The following SLCO1C1 variants were observed in gnomAD, a reference collection of about 807,000 sequenced individuals.
SLCO1C1 encodes the protein solute carrier organic anion transporter family member 1C1, also known as OAT-RP-5.
SLCO1C1 carries 70 observed loss-of-function variants against 76.4 expected under a neutral mutation model. That is an observed-to-expected ratio of 0.92 (90% CI 0.76 to 1.12). The LOEUF (loss-of-function observed/expected upper bound fraction) is 1.12, where lower values mean the gene tolerates loss of function less well. Ranked by LOEUF, SLCO1C1 falls within the 50% of genes most tolerant of loss-of-function variation. The pLI is 0.00. For missense variants in SLCO1C1, 912 were observed against 823.8 expected (o/e 1.11, Z -1.31); for synonymous variants, 306 against 286.1 (o/e 1.07, Z -0.70).
chr12:20,743,289 C>T lies in SLCO1C1; in HGVS notation c.1734-16C>T, dbSNP rs375347990. 6.2e-7 allele frequency: 1 copy of T among 1,609,620 alleles called. No individual in the cohort carries two copies. The highest frequency in any genetic ancestry group is 1.3e-5 in the African/African-American group (1 of 74,776). ...GGATTATATATTTCTTGTAATGGTG[C>T]TTTTGTTGATTTTAGGTGCATTAAG... On this transcript the variant is annotated splice_polypyrimidine_tract_variant and intron_variant, in intron 12 of 14. Coordinates refer to ENST00000266509, the MANE Select transcript of SLCO1C1 (RefSeq NM_017435.5).
chr12:20,709,055 G>A (rs1946925794), intron 4 of SLCO1C1, among the ~76,000 whole-genome samples: 1 of 152,056 alleles, frequency 6.6e-6, no homozygotes, highest in African/African-American at 2.4e-5. Flanking sequence ...TGATTCTGGT[G>A]GGAAAGCTTG....
chr12:20,724,364 A>G (rs1042003556), intron 9 of SLCO1C1, among the ~76,000 whole-genome samples: 18 of 147,946 alleles, frequency 1.2e-4, no homozygotes, highest in Non-Finnish European at 2.2e-4. Context: ...GACCTTAAAC[A>G]GTTCAGATGG....
chr12:20,707,590 T>G (rs1250391977), intron 4 of SLCO1C1, among the ~76,000 whole-genome samples: 1 of 152,178 alleles, frequency 6.6e-6, no homozygotes, highest in Non-Finnish European at 1.5e-5. Context: ...AATTCCTAGC[T>G]GATAATGCCA....
At chr12:20,745,773 T>A (rs546702238) in intron 13 of SLCO1C1, among the ~76,000 whole-genome samples, 2 of 151,420 alleles carry the variant, frequency 1.3e-5, no homozygotes, top group East Asian at 3.9e-4. Context: ...TGCAGTGAGC[T>A]GAGATCACAC....
chr12:20,743,347 C>G lies in SLCO1C1; in HGVS notation c.1776C>G (p.Tyr592Ter), dbSNP rs1450666908. Residue 592 changes from tyrosine (Y) to a stop codon, truncating the protein, a stop_gained, in exon 13 of 15, where the codon TAC (tyrosine) becomes TAG (stop). Coordinates refer to ENST00000266509, the MANE Select transcript of SLCO1C1 (RefSeq NM_017435.5). LOFTEE classifies it high-confidence loss of function. ...TTAAGTCTTTTGCCTTGGGTATCTA[C>G]ACATTAGCAATAAGAGTTCTTGGTA... ...PQLKSFALGIYTLAIRVLAGI... is the reference protein window; with the variant it reads ...PQLKSFALGI The G allele has an allele frequency of 7.4e-6, 12 of 1,612,820 alleles. No homozygotes were observed. The highest frequency in any genetic ancestry group is 2.7e-5 in the African/African-American group (2 of 74,912).
chr12:20,750,405 G>A (rs1425831747), intron 13 of SLCO1C1, among the ~76,000 whole-genome samples: 1 of 152,172 alleles, frequency 6.6e-6, no homozygotes, highest in Non-Finnish European at 1.5e-5. Context: ...AAAGGGACAG[G>A]TCTATAGGGG....
chr12:20,744,170 T>C (rs903199451), intron 13 of SLCO1C1, among the ~76,000 whole-genome samples: 2 of 152,030 alleles, frequency 1.3e-5, no homozygotes, highest in African/African-American at 2.4e-5. Flanking sequence ...TATGGCATCA[T>C]GACTGGCTCT....
intron 5 of SLCO1C1, among the ~76,000 whole-genome samples, chr12:20,713,889 C>T (rs1035805880): frequency 2.6e-5 from 4 of 152,124 alleles, no homozygotes; most frequent in African/African-American, 9.7e-5. Flanking sequence ...ACCTAAGGTG[C>T]CTACACTTCT....
intron 10 of SLCO1C1, among the ~76,000 whole-genome samples, chr12:20,734,874 A>T (rs150628571): frequency 1.1e-4 from 17 of 152,300 alleles, no homozygotes; most frequent in Admixed American, 2.6e-4. Flanking sequence ...CTTATTTTGA[A>T]TTTCTTTGTA....
intron 9 of SLCO1C1, among the ~76,000 whole-genome samples, chr12:20,728,861 ATAAT>A (rs1417121924): frequency 1.3e-5 from 2 of 152,072 alleles, no homozygotes; most frequent in African/African-American, 4.8e-5. Context: ...TAAAACAATA[ATAAT>A]TATATAATAA....
At chr12:20,736,348 C>T (rs1948540442) in intron 10 of SLCO1C1, among the ~76,000 whole-genome samples, 1 of 148,360 alleles carries the variant, frequency 6.7e-6, no homozygotes, top group Admixed American at 6.8e-5. Context: ...GGGGGGGGTG[C>T]AAATTTTGTC....
intron 1 of SLCO1C1, among the ~76,000 whole-genome samples, chr12:20,698,022 T>A (rs1946342677): frequency 6.6e-6 from 1 of 152,086 alleles, no homozygotes; most frequent in South Asian, 2.1e-4. Context: ...TTTTTGATAA[T>A]GTCTTTCTTG....
intron 3 of SLCO1C1, 61 bp from the exon 4 acceptor site, chr12:20,705,888 T>C: frequency 6.5e-7 from 1 of 1,534,898 alleles, no homozygotes; most frequent in Non-Finnish European, 9.0e-7. Context: ...ATTCATTCAG[T>C]TATGCTGTTG....
chr12:20,732,058 A>G (rs1948299902), intron 9 of SLCO1C1, among the ~76,000 whole-genome samples: 1 of 152,214 alleles, frequency 6.6e-6, no homozygotes, highest in East Asian at 1.9e-4. Flanking sequence ...GGGTCTCCAG[A>G]GTCTAAGCTC....
intron 13 of SLCO1C1, 146 bp from the exon 14 acceptor site, chr12:20,750,529 G>T: frequency 1.4e-6 from 1 of 691,694 alleles, no homozygotes; most frequent in Non-Finnish European, 2.5e-6. Flanking sequence ...GGATTAGAGA[G>T]ATAGGTTTGG....
At chr12:20,729,533 C>A (rs1948174891) in intron 9 of SLCO1C1, among the ~76,000 whole-genome samples, 1 of 151,820 alleles carries the variant, frequency 6.6e-6, no homozygotes, top group Admixed American at 6.6e-5. Flanking sequence ...TGCCTATGGG[C>A]CCCTGCACAA....
At chr12:20,717,055 C>G in intron 6 of SLCO1C1, 77 bp from the exon 7 acceptor site, 1 of 1,308,124 alleles carries the variant, frequency 7.6e-7, no homozygotes, top group African/African-American at 1.5e-5. Flanking sequence ...TCACACATTT[C>G]TTGTTTAAAA....
intron 12 of SLCO1C1, 25 bp from the exon 13 acceptor site, chr12:20,743,280 G>A (rs762200145): frequency 3.4e-5 from 55 of 1,605,852 alleles, no homozygotes; most frequent in Admixed American, 1.5e-4. Context: ...TATATTTCTT[G>A]TAATGGTGCT....
rs145428879 is a variant in SLCO1C1, at chr12:20,704,183, T to A, written c.272-1766T>A. 1.9e-3 allele frequency among the ~76,000 whole-genome samples: 293 copies of A among 151,554 alleles called. 3 individuals carry two copies. Among genetic ancestry groups the A allele is most frequent in the African/African-American group, 6.9e-3 (287 of 41,442 alleles). On this transcript the variant is annotated intron_variant, in intron 3 of 14. Coordinates refer to ENST00000266509, the MANE Select transcript of SLCO1C1 (RefSeq NM_017435.5). ...TATTTCAAATGTATCTCCTGACAAC[T>A]CAGAAAGGATACTAAGGAAGCAAAA...
Sources: gnomAD v4.1 joint callset for allele counts (sites outside exome capture counted in the v4.1 genomes callset) on GRCh38, gnomAD v4.1.1 for gene constraint, MANE v1.5 for transcripts, NCBI Gene and HGNC (gene_info 2026-07-23, HGNC 2026-07-21) for gene names.